The following SPAST variants were observed in gnomAD, a reference collection of about 807,000 sequenced individuals.
SPAST encodes spastin.
Under a neutral mutation model 76.6 loss-of-function variants are expected in SPAST, and 30 were observed. The ratio of observed to expected loss-of-function variants is 0.39; its 90% CI spans 0.29 to 0.53. The LOEUF is 0.53. Ranked by LOEUF, SPAST falls within the 20% of genes least tolerant of loss-of-function variation. The pLI is 0.68. For missense variants in SPAST, 717 were observed against 770.5 expected (o/e 0.93, Z 0.82); for synonymous variants, 305 against 281.0 (o/e 1.09, Z -0.86).
intron 1 of SPAST, among the ~76,000 whole-genome samples, chr2:32,071,254 C>T (rs1676739086): frequency 6.6e-6 from 1 of 152,120 alleles, no homozygotes; most frequent in African/African-American, 2.4e-5. Flanking sequence ...TCAAGTTTCT[C>T]AGGATATTCT....
chr2:32,123,135 G>A lies in SPAST; in HGVS notation c.1099-3813G>A, dbSNP rs200092526. Among the ~76,000 whole-genome samples the A allele has an allele frequency of 3.9e-4, 59 of 152,128 alleles. 1 individual carries two copies. In the East Asian group the frequency reaches 9.7e-3, roughly 25 times the overall value. On this transcript the variant is annotated intron_variant, in intron 7 of 16. Coordinates refer to ENST00000315285, the MANE Select transcript of SPAST (RefSeq NM_014946.4). ...AAATTAGCTGGGCATGGTGGCGGGTGCCTGTAATCTCAGCTACTCAGGAGG... is the reference window on the plus strand; with the variant it reads ...AAATTAGCTGGGCATGGTGGCGGGTACCTGTAATCTCAGCTACTCAGGAGG...
Position 32,087,579 on chromosome 2 carries a change from G to T in SPAST, c.502+1G>T. 6.5e-7 allele frequency: 1 copy of T among 1,548,434 alleles called. No homozygotes were observed. On this transcript the variant is annotated splice_donor_variant, in intron 2 of 16. Coordinates refer to ENST00000315285, the MANE Select transcript of SPAST (RefSeq NM_014946.4). LOFTEE classifies it high-confidence loss of function. The stretch of plus-strand genomic sequence containing the variant: ...ATAGCTGTTATAGTTACAGGACAAG[G>T]TAAGATTGTATTTGTTTATAGCCAT...
At chr2:32,118,869 T>A (rs1316938234) in intron 7 of SPAST, among the ~76,000 whole-genome samples, 7 of 152,210 alleles carry the variant, frequency 4.6e-5, no homozygotes, top group African/African-American at 1.7e-4. Flanking sequence ...GAAAAGTCAT[T>A]CAGCTTTTGC....
intron 4 of SPAST, among the ~76,000 whole-genome samples, chr2:32,106,208 A>C (rs1223666546): frequency 1.3e-5 from 2 of 152,144 alleles, no homozygotes; most frequent in Non-Finnish European, 2.9e-5. Flanking sequence ...GTTCGATCTC[A>C]GACTGCTGTG....
At chr2:32,071,929 G>A (rs980873398) in intron 1 of SPAST, among the ~76,000 whole-genome samples, 3 of 152,160 alleles carry the variant, frequency 2.0e-5, no homozygotes, top group Non-Finnish European at 4.4e-5. Flanking sequence ...GACTTGGAAA[G>A]GGAAAGGATT....
At chr2:32,101,304 GGTT>G (rs1016809438) in intron 4 of SPAST, among the ~76,000 whole-genome samples, 33 of 152,164 alleles carry the variant, frequency 2.2e-4, no homozygotes, top group African/African-American at 7.7e-4. Context: ...TTTTTGATGG[GGTT>G]GTTTGATTTT....
At position 32,063,861 on chromosome 2, in the gene SPAST, G is replaced by C; in HGVS notation, c.30G>C (p.Lys10Asn). ...ATTCTCCGGGTGGACGAGGGAAGAA[G>C]AAAGGCTCCGGCGGCGCCAGCAACC... MNSPGGRGK[K>N]KGSGGASNPV... The change falls in exon 1 of 17, where the codon AAG (lysine) becomes AAC (asparagine). Residue 10 changes from lysine to asparagine, a missense_variant. By Grantham distance (94) the Lys-to-Asn change is moderately conservative. Coordinates refer to ENST00000315285, the MANE Select transcript of SPAST (RefSeq NM_014946.4). The C allele has an allele frequency of 3.2e-6, 5 of 1,585,006 alleles. No homozygotes were observed. The highest frequency in any genetic ancestry group is 4.3e-6 in the Non-Finnish European group (5 of 1,171,028).
chr2:32,107,411 C>G (rs1255073885), intron 4 of SPAST, among the ~76,000 whole-genome samples: 1 of 152,046 alleles, frequency 6.6e-6, no homozygotes, highest in Non-Finnish European at 1.5e-5. Flanking sequence ...GCCACCACAC[C>G]CAACTAATTT....
At chr2:32,072,342 C>A (rs755039524) in intron 1 of SPAST, among the ~76,000 whole-genome samples, 1 of 152,164 alleles carries the variant, frequency 6.6e-6, no homozygotes, top group Non-Finnish European at 1.5e-5. Context: ...TGTGCCCGGC[C>A]TCAAAATACT....
At chr2:32,089,693 A>T in intron 3 of SPAST, 88 bp downstream of exon 3, 1 of 777,978 alleles carries the variant, frequency 1.3e-6, no homozygotes, top group Non-Finnish European at 2.3e-6. Context: ...TAGATCAGTG[A>T]TTGAAAATGT....
Position 32,110,424 on chromosome 2 carries a change from C to T in SPAST, c.683-4214C>T, listed in dbSNP as rs1010752754. Among the ~76,000 whole-genome samples the T allele has an allele frequency of 3.4e-5, 5 of 145,852 alleles. 2 individuals are homozygous for T. Among genetic ancestry groups the T allele is most frequent in the African/African-American group, 1.3e-4 (5 of 40,000 alleles). ...TGAGCCACCGCGCCTGGTCCCTATA[C>T]ATATATAGTTATATATACCTATAGT... is the stretch of plus-strand genomic sequence containing the variant. On this transcript the variant is annotated intron_variant, in intron 4 of 16. Transcript: ENST00000315285.
chr2:32,088,414 G>A (rs967968552), intron 2 of SPAST, among the ~76,000 whole-genome samples: 21 of 152,192 alleles, frequency 1.4e-4, no homozygotes, highest in African/African-American at 3.9e-4. Flanking sequence ...GGAGGCCGAG[G>A]TGGGCGAATC....
At chr2:32,131,864 G>A (rs933328781) in intron 9 of SPAST, among the ~76,000 whole-genome samples, 1 of 151,754 alleles carries the variant, frequency 6.6e-6, no homozygotes, top group Non-Finnish European at 1.5e-5. Context: ...GTTTCACCAT[G>A]TTGGCCAGGA....
chr2:32,111,934 T>TAC (rs1297036236), intron 4 of SPAST, among the ~76,000 whole-genome samples: 42 of 149,110 alleles, frequency 2.8e-4, no homozygotes, highest in African/African-American at 9.8e-4. Context: ...TTAATATATA[T>TAC]ACATATTTTT....
At chr2:32,136,138 G>A (rs1309938084) in intron 9 of SPAST, among the ~76,000 whole-genome samples, 7 of 151,728 alleles carry the variant, frequency 4.6e-5, no homozygotes, top group East Asian at 3.9e-4. Flanking sequence ...GACTTTTCAC[G>A]GTGTTCTTAA....
At chr2:32,090,534 A>G (rs983851318) in intron 3 of SPAST, among the ~76,000 whole-genome samples, 5 of 152,150 alleles carry the variant, frequency 3.3e-5, no homozygotes, top group African/African-American at 1.2e-4. Flanking sequence ...AACATTATCC[A>G]AAAAAACTGA....
Position 32,127,470 on chromosome 2 carries a change from C to T in SPAST, c.1173+448C>T, listed in dbSNP as rs143839523. On this transcript the variant is annotated intron_variant, in intron 8 of 16. Coordinates refer to ENST00000315285, the MANE Select transcript of SPAST (RefSeq NM_014946.4). ...TTTCAATGTAGAAGTAGATGGAAAACCATGTACGTTATCTTCAGTAGTGTG... is the reference window on the plus strand; with the variant it reads ...TTTCAATGTAGAAGTAGATGGAAAATCATGTACGTTATCTTCAGTAGTGTG... The T allele has an allele frequency of 4.9e-4, 87 of 176,582 alleles. 1 individual carries two copies. The highest frequency in any genetic ancestry group is 2.0e-3 in the African/African-American group (83 of 42,120). The allele number at this position is 176,582 out of a possible 1,614,324, so 10.9% of individuals were successfully genotyped here.
chr2:32,135,433 A>G (rs1388675915), intron 9 of SPAST, among the ~76,000 whole-genome samples: 3 of 152,078 alleles, frequency 2.0e-5, no homozygotes, highest in Non-Finnish European at 2.9e-5. Flanking sequence ...CCGGCCTAGA[A>G]TATTTGTTTC....
intron 8 of SPAST, chr2:32,127,860 C>T (rs962383087): frequency 1.3e-5 from 2 of 152,472 alleles, no homozygotes; most frequent in African/African-American, 4.8e-5. Context: ...TTAAATCTCT[C>T]TCTACTCATT....
Sources: allele counts gnomAD v4.1 joint callset (sites outside exome capture counted in the v4.1 genomes callset), GRCh38; gene constraint gnomAD v4.1.1; transcripts MANE v1.5; gene names NCBI Gene and HGNC (gene_info 2026-07-23, HGNC 2026-07-21).